Variants in PTPRC observed in about 807,000 individuals in gnomAD.
PTPRC encodes protein tyrosine phosphatase receptor type C, also known as receptor-type tyrosine-protein phosphatase C.
PTPRC carries 44 observed loss-of-function variants against 155.9 expected under a neutral mutation model. That is an observed-to-expected ratio of 0.28 (90% CI 0.22 to 0.36). PTPRC has a LOEUF of 0.36. PTPRC is among the 10% of genes least tolerant of loss of function. PTPRC has a pLI of 1.00. For missense variants in PTPRC, 1,401 were observed against 1,564.6 expected, an observed-to-expected ratio of 0.90 and a Z score of 1.76; for synonymous variants, 525 against 533.1, an observed-to-expected ratio of 0.98 and a Z score of 0.21.
Position 198,702,430 on chromosome 1 carries a change from C to A in PTPRC, c.483C>A (p.Asp161Glu). 1 of 1,614,146 alleles carries A rather than the reference C, an allele frequency of 6.2e-7. No homozygotes were observed. The highest frequency in any genetic ancestry group is 8.5e-7 in the Non-Finnish European group (1 of 1,180,016). Residue 161 changes from aspartate (D) to glutamate (E), a missense_variant, in exon 6 of 33, where the codon GAC becomes GAA. Physicochemically the swap from Asp to Glu is conservative, Grantham distance 45. Around this residue, in one of 3 missense-constraint regions of PTPRC, gnomAD observed 867 missense variants for 970.4 expected, o/e 0.89. Coordinates refer to ENST00000442510, the MANE Select transcript of PTPRC (RefSeq NM_002838.5). The part of the protein sequence containing the change: ...ERSTASTFPT[D>E]PVSPLTTTLS... ...GTACAGCCAGCACCTTTCCTACAGA[C>A]CCAGTTTCCCCATTGACAACCACCC...
At chr1:198,674,310 A>G (rs967977529) in intron 2 of PTPRC, among the ~76,000 whole-genome samples, 7 of 152,166 alleles carry the variant, frequency 4.6e-5, no homozygotes, top group African/African-American at 1.7e-4. Context: ...ACAACTAGTG[A>G]GTGAGAATTT....
intron 3 of PTPRC, among the ~76,000 whole-genome samples, chr1:198,696,179 T>TAC (rs977955333): frequency 6.8e-6 from 1 of 147,818 alleles, no homozygotes; most frequent in Non-Finnish European, 1.5e-5. Context: ...TATATATATA[T>TAC]ATATATAGAT....
In PTPRC at chr1:198,741,246, A is replaced by G. The variant is rs1232564804; in HGVS notation, c.2404-623A>G. 2.0e-5 allele frequency among the ~76,000 whole-genome samples: 3 copies of G among 151,834 alleles called. No homozygotes were observed. The East Asian group carries it at 5.8e-4, about 30-fold the overall frequency. On this transcript the variant is annotated intron_variant, in intron 23 of 32. Coordinates refer to ENST00000442510, the MANE Select transcript of PTPRC (RefSeq NM_002838.5). ...CATAGAATTATGACTTATGCATCTT[A>G]TGGTGGTTACCTTGAAATTAGAACA... is the stretch of plus-strand genomic sequence containing the variant.
intron 2 of PTPRC, among the ~76,000 whole-genome samples, chr1:198,669,617 C>CT (rs1248397063): frequency 6.6e-6 from 1 of 152,122 alleles, no homozygotes. Flanking sequence ...TGGTGAATCC[C>CT]TGACTTACCC....
intron 23 of PTPRC, among the ~76,000 whole-genome samples, chr1:198,738,554 A>T (rs924412200): frequency 1.3e-5 from 2 of 151,748 alleles, no homozygotes; most frequent in Non-Finnish European, 2.9e-5. Flanking sequence ...GTTTGCTAGT[A>T]TTTTGTTGAG....
In PTPRC at chr1:198,702,457, C is replaced by A; in HGVS notation, c.510C>A (p.Leu170=). ...TDPVSPLTTT[L]SLAHHSSAAL... ...CAGTTTCCCCATTGACAACCACCCTCAGCCTTGCACACCACAGCTCTGCTG... is the reference window on the plus strand; with the variant it reads ...CAGTTTCCCCATTGACAACCACCCTAAGCCTTGCACACCACAGCTCTGCTG... Residue 170 remains leucine, a synonymous_variant, in exon 6 of 33, where the codon CTC becomes CTA. Transcript: ENST00000442510. 6.2e-7 allele frequency: 1 copy of A among 1,614,216 alleles called. No individual in the cohort carries two copies. Among genetic ancestry groups the A allele is most frequent in the Non-Finnish European group, 8.5e-7 (1 of 1,180,036 alleles).
chr1:198,663,062 A>G (rs1288209197), intron 2 of PTPRC, among the ~76,000 whole-genome samples: 1 of 152,142 alleles, frequency 6.6e-6, no homozygotes, highest in Admixed American at 6.5e-5. Context: ...ACGTCTCTTC[A>G]CCTAGGAAGT....
chr1:198,654,666 C>G (rs1193485804), intron 2 of PTPRC, among the ~76,000 whole-genome samples: 1 of 151,704 alleles, frequency 6.6e-6, no homozygotes, highest in Non-Finnish European at 1.5e-5. Context: ...TTTAAACCTG[C>G]TGTCCTTTAT....
At chr1:198,746,691 G>T (rs1489448458) in intron 26 of PTPRC, among the ~76,000 whole-genome samples, 2 of 151,802 alleles carry the variant, frequency 1.3e-5, no homozygotes, top group Admixed American at 6.6e-5. Context: ...AGTGAAACAG[G>T]TAGAGATTTA....
chr1:198,727,672 C>T (rs1363711303), intron 15 of PTPRC, among the ~76,000 whole-genome samples: 1 of 151,960 alleles, frequency 6.6e-6, no homozygotes, highest in Non-Finnish European at 1.5e-5. Flanking sequence ...CTTAAGTCAC[C>T]GCATTATTTT....
At chr1:198,700,783 G>A (rs925541903) in intron 5 of PTPRC, among the ~76,000 whole-genome samples, 3 of 152,146 alleles carry the variant, frequency 2.0e-5, no homozygotes, top group Admixed American at 2.0e-4. Context: ...AAATCTATTA[G>A]GATTAATCAA....
chr1:198,738,959 C>A (rs951347056), intron 23 of PTPRC, among the ~76,000 whole-genome samples: 5 of 151,654 alleles, frequency 3.3e-5, no homozygotes, highest in African/African-American at 1.2e-4. Context: ...TAAAATATAG[C>A]ATTTTCATTA....
chr1:198,731,681 G>A lies in PTPRC; in HGVS notation c.1929G>A (p.Lys643=), dbSNP rs188500261. ...CAGATATTTTGTTGGAAACTTATAA[G>A]AGGAAGATTGCTGATGAAGGAAGAC... ...IHADILLETY[K]RKIADEGRLF... The change falls in exon 18 of 33, where the codon AAG becomes AAA. Residue 643 remains lysine, a synonymous_variant. Coordinates refer to ENST00000442510, the MANE Select transcript of PTPRC (RefSeq NM_002838.5). 9.3e-6 allele frequency: 15 copies of A among 1,611,584 alleles called. No individual in the cohort carries two copies. The Admixed American group carries it at 2.0e-4, about 22-fold the overall frequency.
intron 2 of PTPRC, among the ~76,000 whole-genome samples, chr1:198,690,302 A>T (rs1665858697): frequency 6.6e-6 from 1 of 152,122 alleles, no homozygotes. Context: ...TTGCAAATCA[A>T]CACAATTCTA....
intron 25 of PTPRC, 120 bp from the exon 26 acceptor site, chr1:198,743,934 A>C (rs1315357707): frequency 2.1e-6 from 2 of 953,768 alleles, no homozygotes; most frequent in African/African-American, 3.3e-5. Context: ...ATATCAATTT[A>C]CTTTGCCATG....
chr1:198,694,778 C>A, intron 3 of PTPRC: 2 of 942,634 alleles, frequency 2.1e-6, no homozygotes, highest in East Asian at 2.3e-4. Flanking sequence ...CTTTTCTTTT[C>A]CTTTCTTTTC....
intron 2 of PTPRC, among the ~76,000 whole-genome samples, chr1:198,687,553 A>C (rs1316225683): frequency 6.6e-6 from 1 of 152,050 alleles, no homozygotes; most frequent in East Asian, 1.9e-4. Context: ...ATTCTCCACC[A>C]AAGTATTTGT....
intron 23 of PTPRC, 31 bp from the exon 24 acceptor site, chr1:198,741,838 C>T (rs371048241): frequency 1.0e-4 from 163 of 1,601,838 alleles, no homozygotes; most frequent in Non-Finnish European, 1.4e-4. Context: ...TTAAAAAAAT[C>T]ATCTCAAAGA....
At chr1:198,716,638 T>C in intron 12 of PTPRC, 44 bp from the exon 13 acceptor site, 1 of 1,569,606 alleles carries the variant, frequency 6.4e-7, no homozygotes, top group Non-Finnish European at 8.8e-7. Context: ...GTGGTAGTAC[T>C]GACTTTTAAC....
Sources: allele counts gnomAD v4.1 joint callset (sites outside exome capture counted in the v4.1 genomes callset), GRCh38; gene constraint gnomAD v4.1.1; regional missense constraint gnomAD v4.1.1; transcripts MANE v1.5; gene names NCBI Gene and HGNC (gene_info 2026-07-23, HGNC 2026-07-21).